The following MSRA variants were observed in gnomAD, a reference collection of about 807,000 sequenced individuals.
MSRA encodes mitochondrial peptide methionine sulfoxide reductase.
In MSRA, 54 loss-of-function variants were observed where a neutral mutation model predicts 31.3. The observed-to-expected ratio is 1.73, with a 90% CI of 1.39 to 2.17. MSRA has a LOEUF of 2.17. MSRA is among the 30% of genes most tolerant of loss of function. The pLI is 0.00. For synonymous variants in MSRA, 169 were observed against 116.5 expected (o/e 1.45, Z -2.90); for missense variants, 507 against 300.9 (o/e 1.69, Z -5.07).
chr8:10,235,991 A>C (rs1025253730), intron 2 of MSRA, among the ~76,000 whole-genome samples: 1 of 152,230 alleles, frequency 6.6e-6, no homozygotes, highest in African/African-American at 2.4e-5. Context: ...AAAATCTGTT[A>C]ATGTAATATA....
intron 1 of MSRA, among the ~76,000 whole-genome samples, chr8:10,175,272 G>A (rs1017348426): frequency 2.0e-5 from 3 of 152,100 alleles, no homozygotes; most frequent in Non-Finnish European, 4.4e-5. Flanking sequence ...CTCTAGAATC[G>A]ATAATCTCTG....
chr8:10,413,514 G>A (rs1280695352), intron 5 of MSRA, among the ~76,000 whole-genome samples: 1 of 152,002 alleles, frequency 6.6e-6, no homozygotes, highest in African/African-American at 2.4e-5. Flanking sequence ...ATGTAACAAA[G>A]AAACATGACG....
At chr8:10,333,805 C>T (rs1802851115) in intron 5 of MSRA, among the ~76,000 whole-genome samples, 1 of 151,718 alleles carries the variant, frequency 6.6e-6, no homozygotes, top group Admixed American at 6.6e-5. Flanking sequence ...TTCTTCTCCA[C>T]CCCACCCCCC....
chr8:10,186,043 C>T (rs1807021057), intron 1 of MSRA, among the ~76,000 whole-genome samples: 1 of 152,170 alleles, frequency 6.6e-6, no homozygotes, highest in African/African-American at 2.4e-5. Flanking sequence ...CACAATACTG[C>T]ATACGTATCG....
chr8:10,157,389 T>C (rs1440700791), intron 1 of MSRA, among the ~76,000 whole-genome samples: 2 of 152,152 alleles, frequency 1.3e-5, no homozygotes, highest in African/African-American at 2.4e-5. Context: ...ATATAATCAT[T>C]GGTTGGTCTG....
chr8:10,405,589 A>G (rs1015114293), intron 5 of MSRA, among the ~76,000 whole-genome samples: 11 of 152,122 alleles, frequency 7.2e-5, no homozygotes, highest in Admixed American at 7.2e-4. Flanking sequence ...CCCCATATCC[A>G]TAACTATTTA....
intron 5 of MSRA, among the ~76,000 whole-genome samples, chr8:10,395,786 C>T (rs1486535354): frequency 2.0e-5 from 3 of 152,178 alleles, no homozygotes; most frequent in Non-Finnish European, 4.4e-5. Flanking sequence ...CTGCGTACGT[C>T]CTCAAAGCTA....
chr8:10,215,699 G>T (rs1331864112), intron 2 of MSRA, among the ~76,000 whole-genome samples: 1 of 152,190 alleles, frequency 6.6e-6, no homozygotes, highest in African/African-American at 2.4e-5. Flanking sequence ...GTCCAAGTGA[G>T]ACTGGTTGTT....
chr8:10,232,746 A>G (rs1249366002), intron 2 of MSRA, among the ~76,000 whole-genome samples: 1 of 152,232 alleles, frequency 6.6e-6, no homozygotes, highest in East Asian at 1.9e-4. Context: ...ACAGATTAAA[A>G]TTGTGAGTAG....
At chr8:10,276,406 A>G (rs1799324373) in intron 3 of MSRA, among the ~76,000 whole-genome samples, 1 of 152,188 alleles carries the variant, frequency 6.6e-6, no homozygotes, top group Non-Finnish European at 1.5e-5. Context: ...CATCCTGAAA[A>G]CTGTCAGGCT....
intron 2 of MSRA, among the ~76,000 whole-genome samples, chr8:10,224,495 G>GA (rs5889325): frequency 0.69 from 103,864 of 150,856 alleles, 39,047 homozygotes; most frequent in Non-Finnish European, 0.82. Context: ...ATTACCAGAA[G>GA]AAAAAAAAAG....
chr8:10,218,091 G>A (rs1279208126), intron 2 of MSRA, among the ~76,000 whole-genome samples: 3 of 150,758 alleles, frequency 2.0e-5, no homozygotes, highest in African/African-American at 7.3e-5. Flanking sequence ...CATTCAGGAG[G>A]CATTTAACAC....
At chr8:10,243,406 C>G (rs1338865287) in intron 2 of MSRA, among the ~76,000 whole-genome samples, 1 of 152,070 alleles carries the variant, frequency 6.6e-6, no homozygotes, top group African/African-American at 2.4e-5. Flanking sequence ...AGGAATGCAA[C>G]AAAGGAAAAT....
At chr8:10,201,933 T>C (rs1450314652) in intron 1 of MSRA, among the ~76,000 whole-genome samples, 3 of 152,256 alleles carry the variant, frequency 2.0e-5, no homozygotes, top group Admixed American at 6.5e-5. Context: ...GAGAAGGGGC[T>C]GGGGCATGTG....
chr8:10,096,506 T>C (rs542056161), intron 1 of MSRA, among the ~76,000 whole-genome samples: 1 of 152,326 alleles, frequency 6.6e-6, no homozygotes, highest in African/African-American at 2.4e-5. Context: ...GAAATTTAAA[T>C]CTTTTGGAGA....
At chr8:10,386,581 C>T (rs893766547) in intron 5 of MSRA, among the ~76,000 whole-genome samples, 1 of 152,096 alleles carries the variant, frequency 6.6e-6, no homozygotes, top group Non-Finnish European at 1.5e-5. Flanking sequence ...GAGTTGCAAG[C>T]GCCGTCAGAG....
intron 4 of MSRA, among the ~76,000 whole-genome samples, chr8:10,312,723 C>T (rs769532899): frequency 6.6e-6 from 1 of 152,150 alleles, no homozygotes; most frequent in South Asian, 2.1e-4. Context: ...TTTCCTCCAA[C>T]GAACACAAGC....
chr8:10,364,168 T>G (rs1435799532), intron 5 of MSRA, among the ~76,000 whole-genome samples: 1 of 152,200 alleles, frequency 6.6e-6, no homozygotes, highest in Non-Finnish European at 1.5e-5. Flanking sequence ...CTGCTTGTTC[T>G]GGCCAGAACA....
At chr8:10,364,171 C>A (rs1051799732) in intron 5 of MSRA, among the ~76,000 whole-genome samples, 3 of 152,138 alleles carry the variant, frequency 2.0e-5, no homozygotes, top group Admixed American at 2.0e-4. Flanking sequence ...CTTGTTCTGG[C>A]CAGAACACCT....
Sources: allele counts gnomAD v4.1 joint callset (sites outside exome capture counted in the v4.1 genomes callset), GRCh38; gene constraint gnomAD v4.1.1; transcripts MANE v1.5; gene names NCBI Gene and HGNC (gene_info 2026-07-23, HGNC 2026-07-21).